The following UBN1 variants were observed in gnomAD, a reference collection of about 807,000 sequenced individuals.
UBN1 encodes the protein ubinuclein-1.
A neutral mutation model predicts 108.5 loss-of-function variants in UBN1; 17 were observed. The ratio of observed to expected loss-of-function variants is 0.16; its 90% CI spans 0.11 to 0.24. The LOEUF (loss-of-function observed/expected upper bound fraction) is 0.24. Among genes scored for constraint, UBN1 ranks in the 10% least tolerant of loss-of-function variants. The probability of loss-of-function intolerance (pLI) is 1.00; values close to 1 mark genes in which losing one functional copy is unlikely to be tolerated. For synonymous variants in UBN1, 726 were observed against 564.2 expected (o/e 1.29, Z -4.07); for missense variants, 1,595 against 1,394.4 (o/e 1.14, Z -2.29).
Position 4,847,638 on chromosome 16 carries a change from C to T in UBN1, c.-612C>T, listed in dbSNP as rs2086259805. On this transcript the variant is annotated 5_prime_UTR_variant, in exon 1 of 18. Transcript: ENST00000262376. ...ACTCCGCGCCCCTCCCCTCTCGGCG[C>T]TTCCGTTACGCCCGTTGGTCCGGCG... 3.9e-6 allele frequency: 1 copy of T among 255,226 alleles called. No individual in the cohort carries two copies. The highest frequency in any genetic ancestry group is 7.5e-6 in the Non-Finnish European group (1 of 134,210). 15.8% of individuals were successfully genotyped at this position (255,226 alleles called of 1,614,324 possible). A position where few individuals can be genotyped will look rare whatever the true frequency, so the allele number is the denominator to read the frequency against.
rs1187769129 is a variant in UBN1 at position 4,877,297 on chromosome 16, CGGG to C, written c.3266-85_3266-83del. On this transcript the variant is annotated intron_variant, in intron 16 of 17. Coordinates refer to ENST00000262376, the MANE Select transcript of UBN1 (RefSeq NM_001079514.3). The surrounding 1 kb of genome is among the most constrained non-coding windows in gnomAD (Gnocchi z 4.3). ...TGCCCAGACTGGCCTGGCAGGTTAT[CGGG>C]GGCTTTTGGCTGCTGGAGCTGCTTT... The C allele has an allele frequency of 1.3e-6, 2 of 1,540,512 alleles. No individual in the cohort carries two copies. Among genetic ancestry groups the C allele is most frequent in the African/African-American group, 2.7e-5 (2 of 73,398 alleles).
At chr16:4,875,525 C>T (rs547093526) in intron 15 of UBN1, 91 bp downstream of exon 15, 2 of 1,503,600 alleles carry the variant, frequency 1.3e-6, no homozygotes, top group African/African-American at 2.8e-5. Context: ...AGAGTGAGAT[C>T]TAAAACCACA....
chr16:4,875,041 C>G lies in UBN1; in HGVS notation c.2631C>G (p.Ala877=). The G allele has an allele frequency of 6.2e-7, 1 of 1,614,046 alleles. No homozygotes were observed. Among genetic ancestry groups the G allele is most frequent in the East Asian group, 2.2e-5 (1 of 44,886 alleles). Residue 877 remains alanine (A), a synonymous_variant, in exon 15 of 18, where the codon GCC becomes GCG. Coordinates refer to ENST00000262376, the MANE Select transcript of UBN1 (RefSeq NM_001079514.3). ...GCAGCAGCTCTCACAAGACCCCAGC[C>G]TCGTCCTCTTCTGCCCTGAGCCATC... ...ASSSSSHKTP[A]SSSSALSHPA...
chr16:4,850,624 G>A (rs1030057291), intron 1 of UBN1, among the ~76,000 whole-genome samples: 1 of 152,192 alleles, frequency 6.6e-6, no homozygotes, highest in East Asian at 1.9e-4. Context: ...TGCAGCGCCA[G>A]CCTGTTACAC....
At position 4,882,375 on chromosome 16, in the gene UBN1, C is replaced by T. The variant is rs959895560; in HGVS notation, c.*2243C>T. ...GGTTTCCAAAACATTTTTTCTCACT[C>T]TTTTCTTTCTACCATGTGGAAGTAA... On this transcript the variant is annotated 3_prime_UTR_variant, in exon 18 of 18. Transcript: ENST00000262376. The T allele has an allele frequency of 6.8e-6, 1 of 146,620 alleles. No individual in the cohort carries two copies. The highest frequency in any genetic ancestry group is 1.5e-5 in the Non-Finnish European group (1 of 67,506). 9.1% of individuals were successfully genotyped at this position (146,620 alleles called of 1,614,324 possible).
At position 4,873,017 on chromosome 16, in the gene UBN1, A is replaced by AT. The variant is rs763430256; in HGVS notation, c.1758-12dup. 1.2e-6 allele frequency: 2 copies of AT among 1,614,168 alleles called. No homozygotes were observed. The highest frequency in any genetic ancestry group is 2.2e-5 in the East Asian group (1 of 44,874). ...ATATTCTCTAAACTTTTCTGTGCTC[A>AT]TTCCTTTGAACAGGGCCAAGAAGAA... On this transcript the variant is annotated splice_polypyrimidine_tract_variant and intron_variant, in intron 13 of 17. Coordinates refer to ENST00000262376, the MANE Select transcript of UBN1 (RefSeq NM_001079514.3).
chr16:4,867,633 A>T (rs1359822147), intron 7 of UBN1, among the ~76,000 whole-genome samples: 1 of 152,124 alleles, frequency 6.6e-6, no homozygotes, highest in Admixed American at 6.5e-5. Context: ...GGGGGAAAGA[A>T]GTTATTGGGA....
intron 7 of UBN1, among the ~76,000 whole-genome samples, chr16:4,867,887 G>T (rs1039781795): frequency 1.2e-4 from 19 of 152,196 alleles, no homozygotes; most frequent in African/African-American, 4.3e-4. Flanking sequence ...TCTGATTTCA[G>T]AAATTTTATT....
rs2086286155 is a variant in UBN1, at chr16:4,848,029, C to T, written c.-221C>T. ...TTCTTCGCTTCCTCCTGGGCCGGCG[C>T]GCGGCGCGGCACACCAGGCTCCCCT... On this transcript the variant is annotated 5_prime_UTR_variant, in exon 1 of 18. Transcript: ENST00000262376. 6.6e-6 allele frequency: 1 copy of T among 152,412 alleles called. No homozygotes were observed. The highest frequency in any genetic ancestry group is 1.5e-5 in the Non-Finnish European group (1 of 68,296). 9.4% of individuals were successfully genotyped at this position (152,412 alleles called of 1,614,324 possible).
intron 4 of UBN1, 122 bp from the exon 5 acceptor site, chr16:4,858,903 G>T (rs1480791673): frequency 1.5e-6 from 2 of 1,294,206 alleles, no homozygotes; most frequent in Admixed American, 2.2e-5. Flanking sequence ...TTGACCAGAG[G>T]ATGTTTTAGC....
At chr16:4,858,748 A>G in intron 4 of UBN1, 85 bp downstream of exon 4, 1 of 1,352,716 alleles carries the variant, frequency 7.4e-7, no homozygotes, top group Non-Finnish European at 1.1e-6. Context: ...GGGTGGGGTC[A>G]GAGCAGTCGT....
chr16:4,880,336 C>T lies in UBN1; in HGVS notation c.*204C>T, dbSNP rs1333106738. 1.7e-6 allele frequency: 1 copy of T among 585,918 alleles called. No individual in the cohort carries two copies. The allele number at this position is 585,918 out of a possible 1,614,324, so 36.3% of individuals were successfully genotyped here. On this transcript the variant is annotated 3_prime_UTR_variant, in exon 18 of 18. Coordinates refer to ENST00000262376, the MANE Select transcript of UBN1 (RefSeq NM_001079514.3). ...TTGCTGCTCAGGAGGTGCAGACTGCCCCGTGCTCTGGGCCTTGCAGCTCTG... is the reference window on the plus strand; with the variant it reads ...TTGCTGCTCAGGAGGTGCAGACTGCTCCGTGCTCTGGGCCTTGCAGCTCTG...
At chr16:4,859,202 C>T (rs77487598) in intron 5 of UBN1, 43 bp downstream of exon 5, 125 of 1,599,154 alleles carry the variant, frequency 7.8e-5, no homozygotes, top group African/African-American at 5.0e-4. Context: ...TGCTTTTTGA[C>T]GTGACCCTAT....
At position 4,874,020 on chromosome 16, in the gene UBN1, C is replaced by T. The variant is rs557210774; in HGVS notation, c.1801-191C>T. Among the ~76,000 whole-genome samples the T allele has an allele frequency of 1.2e-4, 18 of 152,330 alleles. 1 individual carries two copies. In the East Asian group the frequency reaches 3.1e-3, roughly 26 times the overall value. On this transcript the variant is annotated intron_variant, in intron 14 of 17. Coordinates refer to ENST00000262376, the MANE Select transcript of UBN1 (RefSeq NM_001079514.3). ...CCAGCCCTGGCCAACCAGATACTCA[C>T]CAGGGGTGATGAAGTCATGGCATCT... is the stretch of plus-strand genomic sequence containing the variant.
At chr16:4,858,503 C>G (rs3747613) in intron 3 of UBN1, 65 bp from the exon 4 acceptor site, 708,294 of 1,467,224 alleles carry the variant, frequency 0.48, 172,483 homozygotes, top group Admixed American at 0.6. Flanking sequence ...TGATGAAGTT[C>G]AAGGCCACAG....
intron 6 of UBN1, 70 bp from the exon 7 acceptor site, chr16:4,860,594 G>T: frequency 6.8e-7 from 1 of 1,475,770 alleles, no homozygotes; most frequent in East Asian, 2.3e-5. Flanking sequence ...GGGAGCAGGG[G>T]TGAAGGCCTC....
chr16:4,862,757 G>A (rs922644844), intron 7 of UBN1, among the ~76,000 whole-genome samples: 2 of 152,224 alleles, frequency 1.3e-5, no homozygotes, highest in African/African-American at 4.8e-5. Flanking sequence ...GACAGATTTA[G>A]TGGCAACAGA....
intron 12 of UBN1, among the ~76,000 whole-genome samples, chr16:4,871,576 C>CTTTTTTTTTTT (rs35865064): frequency 1.1e-5 from 1 of 88,424 alleles, no homozygotes; most frequent in Non-Finnish European, 2.1e-5. Context: ...ATGCACTTTC[C>CTTTTTTTTTTT]TTTTTTTTTT....
At chr16:4,857,131 C>T (rs1387542030) in intron 2 of UBN1, among the ~76,000 whole-genome samples, 2 of 151,782 alleles carry the variant, frequency 1.3e-5, no homozygotes, top group Non-Finnish European at 2.9e-5. Context: ...CATTTGAGCC[C>T]AGGAGCTTGA....
Sources: gnomAD v4.1 joint callset for allele counts (sites outside exome capture counted in the v4.1 genomes callset) on GRCh38, gnomAD v4.1.1 for gene constraint, Gnocchi (gnomAD v3.1) non-coding constraint, MANE v1.5 for transcripts, NCBI Gene and HGNC (gene_info 2026-07-23, HGNC 2026-07-21) for gene names.